TMEM117: variants seen among roughly 807,000 people sequenced by gnomAD.
TMEM117 encodes transmembrane protein 117.
In TMEM117, 27 loss-of-function variants were observed where a neutral mutation model predicts 52.4. That is an observed-to-expected ratio of 0.51 (90% CI 0.38 to 0.71). TMEM117 has a LOEUF of 0.71. Among genes scored for constraint, TMEM117 ranks in the 30% least tolerant of loss-of-function variants. The pLI, the probability that TMEM117 is intolerant of heterozygous loss-of-function variation, is 0.00. For missense variants in TMEM117, 556 were observed against 630.5 expected (o/e 0.88, Z 1.26); for synonymous variants, 215 against 206.3 (o/e 1.04, Z -0.36).
At chr12:43,841,557 T>C (rs1943115788) in intron 1 of TMEM117, among the ~76,000 whole-genome samples, 1 of 152,226 alleles carries the variant, frequency 6.6e-6, no homozygotes, top group African/African-American at 2.4e-5. Context: ...AATGTTCTAA[T>C]TTAACTTGAG....
rs772754829 is a variant in TMEM117, at chr12:43,891,367, A to ATTTTTTT, written c.277+46456_277+46462dup. ...ATTTCTTTTGGGAAATACCTCTTGA[A>ATTTTTTT]TTTTTTTTTTTTTTTTTTTTTTTGA... is the stretch of plus-strand genomic sequence containing the variant. On this transcript the variant is annotated intron_variant, in intron 2 of 7. Transcript: ENST00000266534. Among the ~76,000 whole-genome samples the ATTTTTTT allele has an allele frequency of 7.5e-3, 434 of 57,770 alleles. 69 individuals carry two copies. Among genetic ancestry groups the ATTTTTTT allele is most frequent in the African/African-American group, 0.015 (253 of 16,926 alleles). 37.9% of individuals were successfully genotyped at this position (57,770 alleles called of 152,430 possible).
chr12:44,035,662 A>G (rs892847859), intron 3 of TMEM117, among the ~76,000 whole-genome samples: 4 of 152,196 alleles, frequency 2.6e-5, no homozygotes, highest in Non-Finnish European at 5.9e-5. Context: ...CTCTTTTCTT[A>G]AAGTCTATAA....
At chr12:44,048,683 T>C (rs1946918458) in intron 3 of TMEM117, among the ~76,000 whole-genome samples, 1 of 152,208 alleles carries the variant, frequency 6.6e-6, no homozygotes, top group African/African-American at 2.4e-5. Flanking sequence ...TAAGTTAGCA[T>C]ATCCATTGCG....
intron 2 of TMEM117, among the ~76,000 whole-genome samples, chr12:43,891,237 C>T (rs1944097342): frequency 6.6e-6 from 1 of 152,042 alleles, no homozygotes. Context: ...CTTCAAGGTG[C>T]ATGGAATATG....
intron 2 of TMEM117, among the ~76,000 whole-genome samples, chr12:43,871,717 TAA>T: frequency 6.6e-6 from 1 of 152,224 alleles, no homozygotes; most frequent in African/African-American, 2.4e-5. Flanking sequence ...TAATTTTTGT[TAA>T]GAGATGTATG....
At chr12:43,883,107 A>G (rs1400594101) in intron 2 of TMEM117, among the ~76,000 whole-genome samples, 2 of 152,146 alleles carry the variant, frequency 1.3e-5, no homozygotes, top group Non-Finnish European at 2.9e-5. Flanking sequence ...GAAGAGTTCT[A>G]TATTTTTGTT....
chr12:44,102,388 G>T (rs939933304), intron 3 of TMEM117, among the ~76,000 whole-genome samples: 4 of 152,002 alleles, frequency 2.6e-5, no homozygotes, highest in African/African-American at 9.7e-5. Context: ...TGAATGTGGA[G>T]AAGTGAGTTA....
chr12:44,137,096 C>CA (rs201028902), intron 3 of TMEM117, among the ~76,000 whole-genome samples: 22,407 of 98,244 alleles, frequency 0.23, 2,212 homozygotes, highest in African/African-American at 0.36. Context: ...TTTCATTTGC[C>CA]AAAAAAAAAA....
chr12:43,963,380 G>C (rs1297234660), intron 3 of TMEM117, among the ~76,000 whole-genome samples: 1 of 152,120 alleles, frequency 6.6e-6, no homozygotes, highest in Admixed American at 6.6e-5. Context: ...GAGTAACAAA[G>C]AGATACATTT....
At chr12:44,137,915 T>G (rs1305419434) in intron 3 of TMEM117, among the ~76,000 whole-genome samples, 1 of 152,230 alleles carries the variant, frequency 6.6e-6, no homozygotes, top group South Asian at 2.1e-4. Context: ...TTTTGAAAAA[T>G]GGAAGCCAGT....
At chr12:44,317,185 A>C (rs1363620704) in intron 6 of TMEM117, among the ~76,000 whole-genome samples, 1 of 149,854 alleles carries the variant, frequency 6.7e-6, no homozygotes, top group African/African-American at 2.4e-5. Context: ...GTATGAGAAA[A>C]GTTGCACTGG....
chr12:44,105,993 T>C (rs886240582), intron 3 of TMEM117, among the ~76,000 whole-genome samples: 1 of 152,040 alleles, frequency 6.6e-6, no homozygotes, highest in Admixed American at 6.6e-5. Flanking sequence ...ATTTTAACTC[T>C]CAGATGTGTC....
intron 4 of TMEM117, among the ~76,000 whole-genome samples, chr12:44,152,996 G>T (rs1490227200): frequency 6.6e-6 from 1 of 151,010 alleles, no homozygotes; most frequent in Non-Finnish European, 1.5e-5. Context: ...CCTGCAGGAG[G>T]TGCTAACTAA....
chr12:44,209,427 A>T (rs1293180172), intron 4 of TMEM117, among the ~76,000 whole-genome samples: 1 of 152,038 alleles, frequency 6.6e-6, no homozygotes, highest in Non-Finnish European at 1.5e-5. Context: ...AGAAGAAAAT[A>T]AACAGTTGAA....
chr12:43,870,729 CCCA>C (rs374507091), intron 2 of TMEM117, among the ~76,000 whole-genome samples: 1,585 of 152,238 alleles, frequency 0.01, 12 homozygotes, highest in South Asian at 0.035. Flanking sequence ...GACTTGTACT[CCCA>C]CCAACAGTGT....
the TMEM117 span, among the ~76,000 whole-genome samples, chr12:43,806,910 G>T: frequency 6.6e-6 from 1 of 152,190 alleles, no homozygotes; most frequent in African/African-American, 2.4e-5. Context: ...GCCACTAAGA[G>T]ATTAGCTGAT....
chr12:43,881,699 G>C (rs1943897707), intron 2 of TMEM117, among the ~76,000 whole-genome samples: 1 of 140,286 alleles, frequency 7.1e-6, no homozygotes, highest in Non-Finnish European at 1.5e-5. Context: ...TGAGGCAGGA[G>C]AATCGCTTGA....
At chr12:43,921,125 A>G (rs1944686766) in intron 2 of TMEM117, among the ~76,000 whole-genome samples, 1 of 150,946 alleles carries the variant, frequency 6.6e-6, no homozygotes, top group Non-Finnish European at 1.5e-5. Context: ...GCATTTTCTC[A>G]TTTTTCTTTG....
intron 5 of TMEM117, among the ~76,000 whole-genome samples, chr12:44,269,293 C>G (rs1184490826): frequency 6.6e-6 from 1 of 152,130 alleles, no homozygotes; most frequent in Non-Finnish European, 1.5e-5. Context: ...CCAATCCACA[C>G]TCCTTAATGA....
Sources: gnomAD v4.1 joint callset for allele counts (sites outside exome capture counted in the v4.1 genomes callset) on GRCh38, gnomAD v4.1.1 for gene constraint, MANE v1.5 for transcripts, NCBI Gene and HGNC (gene_info 2026-07-23, HGNC 2026-07-21) for gene names.